The following EDIL3 variants were observed in gnomAD, a reference collection of about 807,000 sequenced individuals.
The protein encoded by EDIL3 is EGF-like repeat and discoidin I-like domain-containing protein 3.
A neutral mutation model predicts 67.4 loss-of-function variants in EDIL3; 37 were observed. The observed-to-expected ratio is 0.55, with a 90% confidence interval of 0.42 to 0.72. The LOEUF (loss-of-function observed/expected upper bound fraction) is 0.72, where lower values mean the gene tolerates loss of function less well. EDIL3 is among the 30% of genes least tolerant of loss of function. The pLI is 0.00. For synonymous variants in EDIL3, 195 were observed against 196.3 expected (o/e 0.99, Z 0.05); for missense variants, 527 against 586.3 (o/e 0.90, Z 1.04).
intron 1 of EDIL3, among the ~76,000 whole-genome samples, chr5:84,259,955 A>G (rs759921457): frequency 2.0e-5 from 3 of 152,218 alleles, no homozygotes; most frequent in Non-Finnish European, 4.4e-5. Context: ...ACAACTTCTC[A>G]TGCCATACAA....
chr5:84,239,385 A>G (rs1744749179), intron 2 of EDIL3, among the ~76,000 whole-genome samples: 1 of 152,226 alleles, frequency 6.6e-6, no homozygotes, highest in South Asian at 2.1e-4. Context: ...TATAACAACC[A>G]GCAATCCAAC....
At chr5:84,090,083 T>C (rs747888643) in intron 6 of EDIL3, among the ~76,000 whole-genome samples, 4 of 152,198 alleles carry the variant, frequency 2.6e-5, no homozygotes, top group Admixed American at 6.5e-5. Flanking sequence ...TATTTAGTCA[T>C]AACTTAATTA....
chr5:84,202,803 C>T (rs1324857680), intron 3 of EDIL3, among the ~76,000 whole-genome samples: 1 of 152,122 alleles, frequency 6.6e-6, no homozygotes, highest in Non-Finnish European at 1.5e-5. Context: ...CTCACACGTA[C>T]TATGAACTGG....
intron 6 of EDIL3, among the ~76,000 whole-genome samples, chr5:84,077,848 TTCC>T (rs1405400975): frequency 7.0e-6 from 1 of 142,930 alleles, no homozygotes; most frequent in Non-Finnish European, 1.5e-5. Flanking sequence ...TTTCTTTTTC[TTCC>T]TCTTTTTTTT....
chr5:84,040,410 C>G (rs1746098996), intron 9 of EDIL3, among the ~76,000 whole-genome samples: 1 of 151,388 alleles, frequency 6.6e-6, no homozygotes, highest in African/African-American at 2.4e-5. Flanking sequence ...GGTCATTGTT[C>G]AGAATATCTG....
At chr5:84,163,738 T>C (rs538515047) in intron 4 of EDIL3, among the ~76,000 whole-genome samples, 12 of 152,234 alleles carry the variant, frequency 7.9e-5, no homozygotes, top group African/African-American at 2.9e-4. Flanking sequence ...AGGAAAGTTT[T>C]AGCAAAACAA....
intron 9 of EDIL3, among the ~76,000 whole-genome samples, chr5:83,994,465 C>A (rs1474422075): frequency 6.7e-6 from 1 of 148,796 alleles, no homozygotes; most frequent in African/African-American, 2.5e-5. Flanking sequence ...ATTGCTTTTT[C>A]AAAAATCTAT....
intron 9 of EDIL3, among the ~76,000 whole-genome samples, chr5:84,021,293 A>G (rs1220812459): frequency 6.6e-6 from 1 of 151,290 alleles, no homozygotes; most frequent in Non-Finnish European, 1.5e-5. Context: ...TTTTCTAGTT[A>G]TTTGTGGTAC....
intron 1 of EDIL3, among the ~76,000 whole-genome samples, chr5:84,264,420 G>A (rs1745305377): frequency 6.6e-6 from 1 of 152,140 alleles, no homozygotes; most frequent in African/African-American, 2.4e-5. Context: ...GGAAAGTACT[G>A]AGGGCCCACA....
chr5:84,357,887 CAAAAAA>C (rs140686250), intron 1 of EDIL3, among the ~76,000 whole-genome samples: 1 of 79,274 alleles, frequency 1.3e-5, no homozygotes, highest in Non-Finnish European at 2.4e-5. Context: ...GACTCAGTCT[CAAAAAA>C]AAAAAAAAAA....
chr5:84,299,273 G>A (rs1746108168), intron 1 of EDIL3, among the ~76,000 whole-genome samples: 1 of 152,154 alleles, frequency 6.6e-6, no homozygotes, highest in Admixed American at 6.6e-5. Flanking sequence ...GAAAGAAGGA[G>A]CATGGAACTG....
At chr5:83,958,600 G>A (rs1744554477) in intron 10 of EDIL3, among the ~76,000 whole-genome samples, 1 of 151,422 alleles carries the variant, frequency 6.6e-6, no homozygotes, top group Non-Finnish European at 1.5e-5. Context: ...AAGCTCCTAT[G>A]CTGTGAATTC....
intron 3 of EDIL3, among the ~76,000 whole-genome samples, chr5:84,227,472 G>GT (rs1210515367): frequency 6.6e-6 from 1 of 152,126 alleles, no homozygotes; most frequent in Non-Finnish European, 1.5e-5. Context: ...CTTACTCACT[G>GT]TTGGTGGGAA....
chr5:83,984,760 C>G (rs1310987765), intron 9 of EDIL3, among the ~76,000 whole-genome samples: 1 of 151,994 alleles, frequency 6.6e-6, no homozygotes, highest in Non-Finnish European at 1.5e-5. Context: ...AGACAGGGTG[C>G]ACGGGATGTC....
At chr5:83,958,933 C>T (rs1744560456) in intron 10 of EDIL3, among the ~76,000 whole-genome samples, 1 of 151,062 alleles carries the variant, frequency 6.6e-6, no homozygotes, top group South Asian at 2.1e-4. Flanking sequence ...ATGCTGTAGA[C>T]TAGTAAGGGG....
intron 1 of EDIL3, among the ~76,000 whole-genome samples, chr5:84,370,335 C>T (rs1580107284): frequency 6.6e-6 from 1 of 152,156 alleles, no homozygotes; most frequent in South Asian, 2.1e-4. Flanking sequence ...ACACAGTTCC[C>T]AGGTGTTGTC....
chr5:84,190,991 C>T (rs1363081192), intron 3 of EDIL3, among the ~76,000 whole-genome samples: 1 of 151,784 alleles, frequency 6.6e-6, no homozygotes, highest in Non-Finnish European at 1.5e-5. Context: ...GCATATAACC[C>T]AAACTGCAAA....
rs557371508 is a variant in EDIL3 at position 83,962,464 on chromosome 5, C to T, written c.1293+741G>A. ...TAAGGCCTTGAGCACTTTCATTCTC[C>T]AGGGTCTCACAGATACTGAAACCAA... On this transcript the variant is annotated intron_variant, in intron 10 of 10. Coordinates refer to ENST00000296591, the MANE Select transcript of EDIL3 (RefSeq NM_005711.5). Among the ~76,000 whole-genome samples the T allele has an allele frequency of 5.3e-5, 8 of 151,442 alleles. No individual in the cohort carries two copies. The South Asian group carries it at 8.3e-4, about 16-fold the overall frequency.
chr5:83,962,145 C>A (rs1329660879), intron 10 of EDIL3, among the ~76,000 whole-genome samples: 1 of 151,480 alleles, frequency 6.6e-6, no homozygotes, highest in South Asian at 2.1e-4. Context: ...TTTATAAATT[C>A]TCTGCCTTGA....
Sources: gnomAD v4.1 joint callset for allele counts (sites outside exome capture counted in the v4.1 genomes callset) on GRCh38, gnomAD v4.1.1 for gene constraint, MANE v1.5 for transcripts, NCBI Gene and HGNC (gene_info 2026-07-23, HGNC 2026-07-21) for gene names.